The following MACROD1 variants were observed in gnomAD, a reference collection of about 807,000 sequenced individuals.
The protein encoded by MACROD1 is mono-ADP ribosylhydrolase 1.
A neutral mutation model predicts 41.4 loss-of-function variants in MACROD1; 31 were observed. The ratio of observed to expected loss-of-function variants is 0.75; its 90% CI spans 0.56 to 1.01. The LOEUF is 1.01. Among genes scored for constraint, MACROD1 ranks in the 50% least tolerant of loss-of-function variants. MACROD1 has a pLI of 0.00. For synonymous variants in MACROD1, 252 were observed against 203.4 expected (o/e 1.24, Z -2.03); for missense variants, 473 against 460.0 (o/e 1.03, Z -0.26).
In MACROD1 at chr11:63,999,722, TG is replaced by T; in HGVS notation, c.705del (p.Ser236AlafsTer13). ...HTVGPIAYGE[P>X]SASQAAELRS... is the part of the protein sequence containing the mutation. ...CGGAGCTCGGCAGCCTGACTGGCGCTGGGCTCCCCGTAGGCGATGGGCCCCA... is the reference window on the plus strand; with the variant it reads ...CGGAGCTCGGCAGCCTGACTGGCGCTGGCTCCCCGTAGGCGATGGGCCCCA... On this transcript the variant is annotated frameshift_variant, in exon 6 of 11. Coordinates refer to ENST00000255681, the MANE Select transcript of MACROD1 (RefSeq NM_014067.4). LOFTEE classifies it high-confidence loss of function. 1 of 1,608,166 alleles carries T rather than the reference TG, an allele frequency of 6.2e-7. No homozygotes were observed. Among genetic ancestry groups the T allele is most frequent in the South Asian group, 1.1e-5 (1 of 90,502 alleles).
intron 3 of MACROD1, among the ~76,000 whole-genome samples, chr11:64,047,694 C>G (rs1008250769): frequency 2.0e-5 from 3 of 152,028 alleles, no homozygotes; most frequent in Non-Finnish European, 2.9e-5. Flanking sequence ...GTCAGGAGCT[C>G]GAGACCAGCC....
intron 1 of MACROD1, among the ~76,000 whole-genome samples, chr11:64,153,188 G>A (rs990768898): frequency 1.3e-5 from 2 of 152,060 alleles, no homozygotes; most frequent in Non-Finnish European, 2.9e-5. Flanking sequence ...CCTGGAACCC[G>A]TCTCAGAAGG....
intron 3 of MACROD1, among the ~76,000 whole-genome samples, chr11:64,023,892 C>T (rs537106376): frequency 2.0e-5 from 3 of 152,296 alleles, no homozygotes; most frequent in African/African-American, 7.2e-5. Flanking sequence ...GGCGTGGCTG[C>T]GGTTCCAGCT....
chr11:64,127,941 T>C (rs1197307205), intron 3 of MACROD1, among the ~76,000 whole-genome samples: 1 of 152,206 alleles, frequency 6.6e-6, no homozygotes, highest in Non-Finnish European at 1.5e-5. Flanking sequence ...TAGCAGTCTC[T>C]GCTAAATTTA....
At chr11:64,026,316 C>T (rs867948967) in intron 3 of MACROD1, among the ~76,000 whole-genome samples, 8 of 152,144 alleles carry the variant, frequency 5.3e-5, no homozygotes, top group Admixed American at 6.5e-5. Flanking sequence ...TGAGCCACTG[C>T]GCTCGGCCTC....
chr11:63,999,790 G>A (rs1026633094), intron 5 of MACROD1, 27 bp from the exon 6 acceptor site: 11 of 1,594,528 alleles, frequency 6.9e-6, no homozygotes, highest in South Asian at 1.1e-5. Context: ...GGTCAGACCG[G>A]CGGGGGTCTA....
rs1402678572 is a variant in MACROD1, at chr11:64,082,469, G to C, written c.518-67188C>G. Among the ~76,000 whole-genome samples, 1 of 152,084 alleles carries C rather than the reference G, an allele frequency of 6.6e-6. No homozygotes were observed. The highest frequency in any genetic ancestry group is 1.5e-5 in the Non-Finnish European group (1 of 68,004). On this transcript the variant is annotated intron_variant, in intron 3 of 10. Transcript: ENST00000255681. This position sits in a 1 kb window ranked among gnomAD's most constrained non-coding sequence, Gnocchi z 4.5. ...CTTGAGGGCAGGGCTGAGGGACTGAGGGCCAGGCTGGGGCCAAGAGCTGGT... is the reference window on the plus strand; with the variant it reads ...CTTGAGGGCAGGGCTGAGGGACTGACGGCCAGGCTGGGGCCAAGAGCTGGT...
At chr11:64,030,178 C>T (rs367794589) in intron 3 of MACROD1, among the ~76,000 whole-genome samples, 1 of 151,634 alleles carries the variant, frequency 6.6e-6, no homozygotes, top group African/African-American at 2.4e-5. Context: ...CTCCATCACC[C>T]CCCAAACTCA....
chr11:64,056,337 G>A (rs1376061294), intron 3 of MACROD1, among the ~76,000 whole-genome samples: 3 of 152,026 alleles, frequency 2.0e-5, no homozygotes, highest in Admixed American at 6.6e-5. Flanking sequence ...CCGCTACCCC[G>A]CCACTCCCCG....
intron 3 of MACROD1, among the ~76,000 whole-genome samples, chr11:64,087,598 A>G (rs1944417157): frequency 6.6e-6 from 1 of 152,218 alleles, no homozygotes; most frequent in African/African-American, 2.4e-5. Flanking sequence ...CACTCGCTGC[A>G]GCCTGCAAGG....
chr11:64,054,381 G>A (rs1479979410), intron 3 of MACROD1, among the ~76,000 whole-genome samples: 3 of 152,174 alleles, frequency 2.0e-5, no homozygotes, highest in Admixed American at 1.3e-4. Context: ...GAGTGCTTTC[G>A]GCAGCCAGCC....
At chr11:64,025,976 T>C (rs1454180487) in intron 3 of MACROD1, among the ~76,000 whole-genome samples, 1 of 151,618 alleles carries the variant, frequency 6.6e-6, no homozygotes, top group Non-Finnish European at 1.5e-5. Flanking sequence ...AGGTCAAGAG[T>C]TCGAGATCAG....
At chr11:64,107,938 T>A (rs1468338026) in intron 3 of MACROD1, among the ~76,000 whole-genome samples, 1 of 152,194 alleles carries the variant, frequency 6.6e-6, no homozygotes, top group African/African-American at 2.4e-5. Context: ...TTGCTAGTAA[T>A]GGTAATAGTT....
At chr11:64,058,117 C>T (rs1344773446) in intron 3 of MACROD1, among the ~76,000 whole-genome samples, 2 of 152,280 alleles carry the variant, frequency 1.3e-5, no homozygotes, top group African/African-American at 4.8e-5. Flanking sequence ...TAATCCATGA[C>T]ACCTTACTGC....
At chr11:64,021,859 C>G (rs993001485) in intron 3 of MACROD1, among the ~76,000 whole-genome samples, 2 of 149,530 alleles carry the variant, frequency 1.3e-5, no homozygotes, top group Admixed American at 1.4e-4. Context: ...AAAGACAGCA[C>G]GAGAATCAAC....
intron 3 of MACROD1, among the ~76,000 whole-genome samples, chr11:64,026,923 C>A (rs1019792963): frequency 2.0e-5 from 3 of 152,228 alleles, no homozygotes; most frequent in Admixed American, 2.0e-4. Flanking sequence ...CTGCCCCATT[C>A]CCCTTATCAG....
chr11:64,116,433 T>C, intron 3 of MACROD1: 1 of 1,613,866 alleles, frequency 6.2e-7, no homozygotes, highest in Non-Finnish European at 8.5e-7. Flanking sequence ...CACCTGCCCC[T>C]CGGTGTGCCG....
chr11:64,086,400 T>C (rs970394182), intron 3 of MACROD1, among the ~76,000 whole-genome samples: 2 of 151,914 alleles, frequency 1.3e-5, no homozygotes, highest in African/African-American at 4.8e-5. Context: ...GCTCAGAGGA[T>C]GGAACATTCC....
At position 64,067,937 on chromosome 11, in the gene MACROD1, C is replaced by T. The variant is rs532427316; in HGVS notation, c.518-52656G>A. 2.0e-5 allele frequency among the ~76,000 whole-genome samples: 3 copies of T among 152,206 alleles called. No individual in the cohort carries two copies. Among genetic ancestry groups the T allele is most frequent in the Non-Finnish European group, 2.9e-5 (2 of 68,014 alleles). On this transcript the variant is annotated intron_variant, in intron 3 of 10. Coordinates refer to ENST00000255681, the MANE Select transcript of MACROD1 (RefSeq NM_014067.4). This position sits in a 1 kb window ranked among gnomAD's most constrained non-coding sequence, Gnocchi z 4.6. ...AGGGGGCTGGCGGTGAACCCATCCC[C>T]GTTACAATGCACTCAGGGACCCTGA...
Sources: gnomAD v4.1 joint callset for allele counts (sites outside exome capture counted in the v4.1 genomes callset) on GRCh38, gnomAD v4.1.1 for gene constraint, Gnocchi (gnomAD v3.1) non-coding constraint, MANE v1.5 for transcripts, NCBI Gene and HGNC (gene_info 2026-07-23, HGNC 2026-07-21) for gene names.